The following KIF16B variants were observed in gnomAD, a reference collection of about 807,000 sequenced individuals.
KIF16B encodes kinesin-like protein KIF16B.
Under a neutral mutation model 156.3 loss-of-function variants are expected in KIF16B, and 98 were observed. The observed-to-expected ratio is 0.63, with a 90% CI of 0.53 to 0.74. The LOEUF (loss-of-function observed/expected upper bound fraction) is 0.74. Among genes scored for constraint, KIF16B ranks in the 30% least tolerant of loss-of-function variants. The pLI is 0.00. For synonymous variants in KIF16B, 564 were observed against 583.7 expected (o/e 0.97, Z 0.49); for missense variants, 1,421 against 1,606.5 (o/e 0.88, Z 1.97).
intron 22 of KIF16B, among the ~76,000 whole-genome samples, chr20:16,357,716 G>T (rs1436538484): frequency 2.0e-5 from 3 of 152,170 alleles, no homozygotes; most frequent in Non-Finnish European, 4.4e-5. Context: ...AGGACACAAG[G>T]ACATATAATT....
At chr20:16,353,724 G>A (rs1023553993) in intron 23 of KIF16B, among the ~76,000 whole-genome samples, 11 of 152,138 alleles carry the variant, frequency 7.2e-5, no homozygotes, top group African/African-American at 2.4e-4. Flanking sequence ...TGCCTGGATC[G>A]AGGCTGTTTT....
intron 1 of KIF16B, among the ~76,000 whole-genome samples, chr20:16,572,542 G>T (rs1400761452): frequency 6.6e-6 from 1 of 152,210 alleles, no homozygotes; most frequent in Non-Finnish European, 1.5e-5. Context: ...ATTGAAAAGG[G>T]AGCACAGGCT....
chr20:16,365,772 A>G (rs2064650393), intron 22 of KIF16B, among the ~76,000 whole-genome samples: 1 of 152,184 alleles, frequency 6.6e-6, no homozygotes, highest in African/African-American at 2.4e-5. Flanking sequence ...GCACTACAAC[A>G]TTTATGTTGC....
chr20:16,536,337 TGGGTGTACGGGGGTGGGGGGAGTGA>T (rs1422662222), intron 1 of KIF16B, among the ~76,000 whole-genome samples: 1 of 151,616 alleles, frequency 6.6e-6, no homozygotes, highest in Non-Finnish European at 1.5e-5. Flanking sequence ...GAGGCTGGAA[TGGGTGTACGGGGGTGGGGGGAGTGA>T]AGAGAAGTAG....
intron 1 of KIF16B, among the ~76,000 whole-genome samples, chr20:16,566,832 C>A (rs1031080140): frequency 6.6e-6 from 1 of 152,100 alleles, no homozygotes; most frequent in Non-Finnish European, 1.5e-5. Context: ...AACTAAAATC[C>A]TTTTTTTATT....
At chr20:16,556,259 C>G (rs1399540262) in intron 1 of KIF16B, among the ~76,000 whole-genome samples, 3 of 152,194 alleles carry the variant, frequency 2.0e-5, no homozygotes, top group Non-Finnish European at 4.4e-5. Flanking sequence ...AAAGAAACAG[C>G]ACAACCAGGT....
At chr20:16,365,303 G>A (rs1172510553) in intron 22 of KIF16B, among the ~76,000 whole-genome samples, 1 of 152,188 alleles carries the variant, frequency 6.6e-6, no homozygotes, top group African/African-American at 2.4e-5. Context: ...CATTTTAGGA[G>A]TGTTTGTTCA....
intron 12 of KIF16B, among the ~76,000 whole-genome samples, chr20:16,434,869 A>G (rs1381599531): frequency 1.3e-5 from 2 of 152,088 alleles, no homozygotes; most frequent in Non-Finnish European, 2.9e-5. Flanking sequence ...AATTTCTGCA[A>G]CCCTGACTAC....
At chr20:16,551,688 C>T (rs142486579) in intron 1 of KIF16B, among the ~76,000 whole-genome samples, 38 of 152,320 alleles carry the variant, frequency 2.5e-4, no homozygotes, top group African/African-American at 9.1e-4. Flanking sequence ...AAAGAAATAA[C>T]CTTGTCCTTA....
At chr20:16,521,411 A>G (rs6034513) in intron 3 of KIF16B, among the ~76,000 whole-genome samples, 36,065 of 151,510 alleles carry the variant, frequency 0.24, 4,918 homozygotes, top group East Asian at 0.36. Context: ...AGCAGAAGAA[A>G]GGATATCAGA....
chr20:16,330,214 G>A (rs563587214), intron 24 of KIF16B, among the ~76,000 whole-genome samples: 8 of 152,142 alleles, frequency 5.3e-5, no homozygotes, highest in East Asian at 1.9e-4. Context: ...ACTCCTTACC[G>A]CTTTAATTGG....
At chr20:16,410,323 ATG>A (rs372810868) in intron 15 of KIF16B, among the ~76,000 whole-genome samples, 2 of 146,070 alleles carry the variant, frequency 1.4e-5, no homozygotes, top group African/African-American at 2.5e-5. Context: ...GTGTGTGTAT[ATG>A]TGTGTGTGTA....
At position 16,456,901 on chromosome 20, in the gene KIF16B, G is replaced by T. The variant is rs559609958; in HGVS notation, c.1303-26919C>A. 3.3e-5 allele frequency among the ~76,000 whole-genome samples: 5 copies of T among 152,282 alleles called. No individual in the cohort carries two copies. The South Asian group carries it at 1.0e-3, about 32-fold the overall frequency. On this transcript the variant is annotated intron_variant, in intron 12 of 25. Coordinates refer to ENST00000354981, the MANE Select transcript of KIF16B (RefSeq NM_024704.5). ...TAGGACCTCCCCACACAGCTTATAG[G>T]CTTCAGGGCATAGAACTGACTATTT...
chr20:16,408,663 T>C lies in KIF16B; in HGVS notation c.1613-2207A>G, dbSNP rs2065845205. Among the ~76,000 whole-genome samples the C allele has an allele frequency of 1.3e-5, 2 of 152,116 alleles. 1 individual carries two copies. Among genetic ancestry groups the C allele is most frequent in the South Asian group, 4.1e-4 (2 of 4,830 alleles). On this transcript the variant is annotated intron_variant, in intron 15 of 25. Coordinates refer to ENST00000354981, the MANE Select transcript of KIF16B (RefSeq NM_024704.5). ...GAGACATATTTCAAATTGTATTAAA[T>C]CATTGAAAATAATCTTGCCACCCAT...
At chr20:16,530,231 C>G (rs570820824) in intron 1 of KIF16B, among the ~76,000 whole-genome samples, 4 of 152,310 alleles carry the variant, frequency 2.6e-5, no homozygotes, top group African/African-American at 9.6e-5. Flanking sequence ...TCTAACACGG[C>G]TCCCAGTGAT....
chr20:16,427,286 A>G (rs975780149), intron 14 of KIF16B, 45 bp from the exon 15 acceptor site: 1 of 1,546,710 alleles, frequency 6.5e-7, no homozygotes, highest in African/African-American at 1.4e-5. Flanking sequence ...CCCCTTTTCT[A>G]CTGCAATGAT....
intron 22 of KIF16B, among the ~76,000 whole-genome samples, chr20:16,356,909 ACTTTTAGGCATTTTTAT>A (rs2064453926): frequency 6.6e-6 from 1 of 152,188 alleles, no homozygotes; most frequent in African/African-American, 2.4e-5. Flanking sequence ...TTCATTTTTA[ACTTTTAGGCATTTTTAT>A]AAGCCAGTGT....
intron 1 of KIF16B, among the ~76,000 whole-genome samples, chr20:16,564,072 A>C (rs908028986): frequency 6.6e-6 from 1 of 150,838 alleles, no homozygotes; most frequent in African/African-American, 2.4e-5. Context: ...AAAAAGAGAC[A>C]AACAAAAAAA....
chr20:16,280,834 G>A (rs1026908215), intron 25 of KIF16B, among the ~76,000 whole-genome samples: 4 of 138,924 alleles, frequency 2.9e-5, no homozygotes, highest in East Asian at 2.7e-4. Flanking sequence ...CAACTGCTGC[G>A]CGCGCACGTG....
Sources: gnomAD v4.1 joint callset for allele counts (sites outside exome capture counted in the v4.1 genomes callset) on GRCh38, gnomAD v4.1.1 for gene constraint, MANE v1.5 for transcripts, NCBI Gene and HGNC (gene_info 2026-07-23, HGNC 2026-07-21) for gene names.